The following ABLIM1 variants were observed in gnomAD, a reference collection of about 807,000 sequenced individuals.
ABLIM1 encodes actin binding LIM protein 1.
ABLIM1 carries 40 observed loss-of-function variants against 107.0 expected under a neutral mutation model. The observed-to-expected ratio is 0.37, with a 90% CI of 0.29 to 0.49. The LOEUF is 0.49. Among genes scored for constraint, ABLIM1 ranks in the 20% least tolerant of loss-of-function variants. ABLIM1 has a pLI of 0.97. For missense variants in ABLIM1, 857 were observed against 1,008.5 expected (o/e 0.85, Z 2.04); for synonymous variants, 357 against 357.3 (o/e 1.00, Z 0.01).
In ABLIM1 at chr10:114,456,380, C is replaced by T. The variant is rs7913625; in HGVS notation, c.1442-2897G>A. On this transcript the variant is annotated intron_variant, in intron 12 of 22. Coordinates refer to ENST00000533213, the MANE Select transcript of ABLIM1 (RefSeq NM_002313.7). The stretch of plus-strand genomic sequence containing the variant: ...TTCACTGAAGAAAAATGATTTAATC[C>T]TATGAACATTAGAAATTAACAAGAG... Among the ~76,000 whole-genome samples, 315 of 152,204 alleles carry T rather than the reference C, an allele frequency of 2.1e-3. 1 individual carries two copies. Among genetic ancestry groups the T allele is most frequent in the African/African-American group, 7.3e-3 (304 of 41,530 alleles).
At chr10:114,794,158 A>C in the ABLIM1 span, among the ~76,000 whole-genome samples, 1 of 152,202 alleles carries the variant, frequency 6.6e-6, no homozygotes, top group Non-Finnish European at 1.5e-5. Flanking sequence ...CCTTTGCACT[A>C]GTCTTCCTCT....
In ABLIM1 at chr10:114,485,326, G is replaced by A. The variant is rs182557837; in HGVS notation, c.1041+2632C>T. 52 of 1,612,958 alleles carry A rather than the reference G, an allele frequency of 3.2e-5. No homozygotes were observed. In the East Asian group the frequency reaches 6.0e-4, roughly 19 times the overall value. Reference sequence around the variant, plus strand: ...AGAGACGGAGACCGTCCTGTGCGTCGAATCAGACTTTTGGAATAAAAGAAA... The same window carrying A: ...AGAGACGGAGACCGTCCTGTGCGTCAAATCAGACTTTTGGAATAAAAGAAA... On this transcript the variant is annotated intron_variant, in intron 8 of 22. Transcript: ENST00000533213.
At chr10:114,639,059 C>A (rs1175085921) in intron 1 of ABLIM1, among the ~76,000 whole-genome samples, 1 of 152,138 alleles carries the variant, frequency 6.6e-6, no homozygotes, top group East Asian at 1.9e-4. Context: ...GTTCCCCTAC[C>A]TCATCTGGCC....
chr10:114,786,430 AAAGAT>A, the ABLIM1 span, among the ~76,000 whole-genome samples: 3 of 152,234 alleles, frequency 2.0e-5, no homozygotes, highest in African/African-American at 7.2e-5. Context: ...AAGTTGTATA[AAAGAT>A]GAGGACTGAA....
intron 10 of ABLIM1, among the ~76,000 whole-genome samples, chr10:114,472,732 C>A (rs556599082): frequency 6.6e-6 from 1 of 151,460 alleles, no homozygotes; most frequent in East Asian, 2.0e-4. Flanking sequence ...CACCTCCCGA[C>A]AGCTTCCATC....
intron 1 of ABLIM1, among the ~76,000 whole-genome samples, chr10:114,717,097 T>G (rs1401833092): frequency 2.0e-5 from 3 of 152,176 alleles, no homozygotes; most frequent in Admixed American, 2.0e-4. Flanking sequence ...TAGTACTGCC[T>G]GGGGCTGGGG....
intron 1 of ABLIM1, among the ~76,000 whole-genome samples, chr10:114,621,323 A>AACTGCATTTTAT (rs2077450870): frequency 7.2e-5 from 11 of 152,292 alleles, no homozygotes; most frequent in African/African-American, 2.2e-4. Flanking sequence ...CTAGAAAGTG[A>AACTGCATTTTAT]GTGCTTTCAG....
the ABLIM1 span, among the ~76,000 whole-genome samples, chr10:114,795,481 C>T: frequency 7.2e-3 from 1,094 of 152,180 alleles, 7 homozygotes; most frequent in African/African-American, 0.025. Flanking sequence ...CCGAAGTGGG[C>T]GGATCACCTG....
At chr10:114,684,769 T>C (rs2080890016) in exon 1 of ABLIM1, 1 of 964,326 alleles carries the variant, frequency 1.0e-6, no homozygotes, top group Non-Finnish European at 1.2e-6. Flanking sequence ...TTGATCACTA[T>C]CATTTCACAA....
chr10:114,696,402 C>T (rs562688510), intron 1 of ABLIM1, among the ~76,000 whole-genome samples: 1 of 152,322 alleles, frequency 6.6e-6, no homozygotes, highest in African/African-American at 2.4e-5. Flanking sequence ...CTTCATTGCA[C>T]AGATGTGTCT....
chr10:114,704,302 C>CTCTCTATATATATATATATATATATATA (rs1380460034), intron 1 of ABLIM1, among the ~76,000 whole-genome samples: 1 of 43,058 alleles, frequency 2.3e-5, no homozygotes, highest in Non-Finnish European at 4.7e-5. Context: ...CTCTCTCTCT[C>CTCTCTATATATATATATATATATATATA]TATATATATA....
chr10:114,701,518 T>C (rs193258623), intron 1 of ABLIM1, among the ~76,000 whole-genome samples: 375 of 152,248 alleles, frequency 2.5e-3, no homozygotes, highest in African/African-American at 8.6e-3. Context: ...ACAACAAGAA[T>C]GTCCATCAAT....
intron 1 of ABLIM1, among the ~76,000 whole-genome samples, chr10:114,635,801 C>T (rs1160730529): frequency 6.6e-6 from 1 of 152,268 alleles, no homozygotes; most frequent in Non-Finnish European, 1.5e-5. Context: ...GGATTACAGG[C>T]GTGAGCCACT....
At chr10:114,790,481 T>C in the ABLIM1 span, among the ~76,000 whole-genome samples, 12 of 152,358 alleles carry the variant, frequency 7.9e-5, no homozygotes, top group African/African-American at 2.6e-4. Context: ...TGTGTGTCTA[T>C]GTGTTTCTTT....
At chr10:114,702,619 C>T (rs1478981060) in intron 1 of ABLIM1, among the ~76,000 whole-genome samples, 1 of 151,334 alleles carries the variant, frequency 6.6e-6, no homozygotes, top group Admixed American at 6.6e-5. Flanking sequence ...CTCCGCCTCC[C>T]GGGTTCACGC....
chr10:114,657,268 C>A (rs1231359370), intron 1 of ABLIM1, among the ~76,000 whole-genome samples: 3 of 152,158 alleles, frequency 2.0e-5, no homozygotes, highest in African/African-American at 4.8e-5. Flanking sequence ...TGTACCAATT[C>A]TAGGTCTGAC....
chr10:114,442,054 G>C (rs534674328), intron 17 of ABLIM1, among the ~76,000 whole-genome samples: 2 of 152,294 alleles, frequency 1.3e-5, no homozygotes, highest in East Asian at 3.9e-4. Flanking sequence ...ATGGAGCTAA[G>C]TGTTCAGCAT....
chr10:114,583,674 T>C (rs2073874729), intron 2 of ABLIM1, among the ~76,000 whole-genome samples: 1 of 151,642 alleles, frequency 6.6e-6, no homozygotes, highest in African/African-American at 2.4e-5. Context: ...TACTCTTCTG[T>C]TCATCACAGC....
intron 1 of ABLIM1, among the ~76,000 whole-genome samples, chr10:114,692,466 AC>A (rs1417015162): frequency 6.6e-6 from 1 of 151,900 alleles, no homozygotes; most frequent in Non-Finnish European, 1.5e-5. Flanking sequence ...AACAAACAAA[AC>A]CTTTCTACTC....
Sources: gnomAD v4.1 joint callset for allele counts (sites outside exome capture counted in the v4.1 genomes callset) on GRCh38, gnomAD v4.1.1 for gene constraint, MANE v1.5 for transcripts, NCBI Gene and HGNC (gene_info 2026-07-23, HGNC 2026-07-21) for gene names.